Variants in GALNT13 observed in about 807,000 individuals in gnomAD.
GALNT13 encodes UDP-GalNAc:polypeptide N-acetylgalactosaminyltransferase 13.
Under a neutral mutation model 64.2 loss-of-function variants are expected in GALNT13, and 28 were observed. That is an observed-to-expected ratio of 0.44 (90% CI 0.32 to 0.60). The LOEUF (loss-of-function observed/expected upper bound fraction) is 0.60, where lower values mean the gene tolerates loss of function less well. GALNT13 is among the 20% of genes least tolerant of loss of function. The pLI, the probability that GALNT13 is intolerant of heterozygous loss-of-function variation, is 0.05. For missense variants in GALNT13, 577 were observed against 669.8 expected (o/e 0.86, Z 1.53); for synonymous variants, 214 against 224.6 (o/e 0.95, Z 0.42).
In GALNT13 at chr2:154,162,778, T is replaced by C. The variant is rs112016334; in HGVS notation, c.311+22273T>C. Among the ~76,000 whole-genome samples the C allele has an allele frequency of 5.3e-5, 8 of 152,310 alleles. 1 individual carries two copies. Among genetic ancestry groups the C allele is most frequent in the African/African-American group, 1.9e-4 (8 of 41,568 alleles). ...GAATTAATCATATTATTGTCAGTTT[T>C]ACCATTATAAAACAGTACTAACTAG... On this transcript the variant is annotated intron_variant, in intron 4 of 12. Coordinates refer to ENST00000392825, the MANE Select transcript of GALNT13 (RefSeq NM_052917.4).
intron 3 of GALNT13, among the ~76,000 whole-genome samples, chr2:154,113,123 A>G (rs796581984): frequency 6.6e-6 from 1 of 152,310 alleles, no homozygotes; most frequent in Non-Finnish European, 1.5e-5. Flanking sequence ...AAAGCCCAGT[A>G]ACAGGTCTAG....
chr2:154,375,762 T>G (rs1231617664), intron 9 of GALNT13, among the ~76,000 whole-genome samples: 1 of 152,140 alleles, frequency 6.6e-6, no homozygotes. Flanking sequence ...GAGGGACTGT[T>G]TTTTTGCACG....
At chr2:153,492,889 C>G in the GALNT13 span, among the ~76,000 whole-genome samples, 2 of 151,824 alleles carry the variant, frequency 1.3e-5, no homozygotes, top group African/African-American at 4.8e-5. Context: ...TACAATAAAA[C>G]ATCTAGGAAA....
the GALNT13 span, among the ~76,000 whole-genome samples, chr2:153,847,419 C>G: frequency 7.2e-5 from 10 of 139,724 alleles, no homozygotes; most frequent in South Asian, 4.6e-4. Context: ...CACACACACA[C>G]AGTACATAAT....
At chr2:154,445,370 C>A (rs1397895378) in intron 12 of GALNT13, among the ~76,000 whole-genome samples, 1 of 151,460 alleles carries the variant, frequency 6.6e-6, no homozygotes, top group Non-Finnish European at 1.5e-5. Flanking sequence ...TTCTATATTA[C>A]AAACATAATT....
At chr2:153,548,968 G>A in the GALNT13 span, among the ~76,000 whole-genome samples, 3 of 152,180 alleles carry the variant, frequency 2.0e-5, no homozygotes, top group South Asian at 2.1e-4. Context: ...TAATATGAAC[G>A]ACCTTTGAAA....
the GALNT13 span, among the ~76,000 whole-genome samples, chr2:153,775,897 C>CT: frequency 3.9e-5 from 6 of 151,960 alleles, no homozygotes; most frequent in South Asian, 1.0e-3. Context: ...TTTATTCTTT[C>CT]TTTTTTTAAT....
chr2:154,150,972 C>T (rs928778504), intron 4 of GALNT13, among the ~76,000 whole-genome samples: 1 of 152,118 alleles, frequency 6.6e-6, no homozygotes, highest in Non-Finnish European at 1.5e-5. Context: ...CTTCTGTTAG[C>T]TTTTGAATGT....
intron 11 of GALNT13, among the ~76,000 whole-genome samples, chr2:154,413,273 G>C (rs918565780): frequency 6.6e-6 from 1 of 151,786 alleles, no homozygotes; most frequent in African/African-American, 2.4e-5. Flanking sequence ...ACCTAACATA[G>C]AAACATACTT....
At chr2:153,466,914 T>C in the GALNT13 span, among the ~76,000 whole-genome samples, 2 of 151,974 alleles carry the variant, frequency 1.3e-5, no homozygotes, top group East Asian at 1.9e-4. Context: ...CTCATTCCCA[T>C]GTGTGTGATC....
chr2:153,141,253 C>T, the GALNT13 span, among the ~76,000 whole-genome samples: 1 of 151,850 alleles, frequency 6.6e-6, no homozygotes, highest in African/African-American at 2.4e-5. Flanking sequence ...GGATATATGG[C>T]CACTTGTGTT....
At chr2:153,905,929 G>T (rs1688530288) in intron 2 of GALNT13, among the ~76,000 whole-genome samples, 1 of 151,910 alleles carries the variant, frequency 6.6e-6, no homozygotes, top group Admixed American at 6.6e-5. Flanking sequence ...CTATTGGGTG[G>T]GTTGTGAATG....
At chr2:153,264,021 T>C in the GALNT13 span, among the ~76,000 whole-genome samples, 1 of 152,140 alleles carries the variant, frequency 6.6e-6, no homozygotes, top group Non-Finnish European at 1.5e-5. Flanking sequence ...ACCCACAGAA[T>C]GGGAGAAAAT....
At chr2:154,360,102 A>T (rs945607135) in intron 9 of GALNT13, among the ~76,000 whole-genome samples, 1 of 152,132 alleles carries the variant, frequency 6.6e-6, no homozygotes, top group Non-Finnish European at 1.5e-5. Flanking sequence ...AATAATAATC[A>T]TGTTCTTTCG....
At chr2:153,608,434 G>T in the GALNT13 span, among the ~76,000 whole-genome samples, 4 of 151,994 alleles carry the variant, frequency 2.6e-5, no homozygotes, top group African/African-American at 7.2e-5. Context: ...GAAATATTTT[G>T]TTGGTTTTAT....
chr2:153,309,422 A>G, the GALNT13 span, among the ~76,000 whole-genome samples: 1 of 152,152 alleles, frequency 6.6e-6, no homozygotes, highest in Non-Finnish European at 1.5e-5. Flanking sequence ...AAGAATTGGA[A>G]TAGAACATTG....
the GALNT13 span, among the ~76,000 whole-genome samples, chr2:153,713,937 C>T: frequency 4.6e-5 from 7 of 152,166 alleles, no homozygotes; most frequent in Admixed American, 3.3e-4. Context: ...TCCTGGAGAG[C>T]AACATCCCTG....
At chr2:153,399,715 GCTCT>G in the GALNT13 span, among the ~76,000 whole-genome samples, 340 of 152,060 alleles carry the variant, frequency 2.2e-3, 3 homozygotes, top group African/African-American at 7.5e-3. Context: ...TCATGATTTG[GCTCT>G]CTGTTTGTCT....
chr2:154,146,047 C>A (rs952405888), intron 4 of GALNT13, among the ~76,000 whole-genome samples: 2 of 151,596 alleles, frequency 1.3e-5, no homozygotes, highest in African/African-American at 4.8e-5. Flanking sequence ...GTAATGTGCT[C>A]ATGTGTAGAA....
Sources: gnomAD v4.1 joint callset for allele counts (sites outside exome capture counted in the v4.1 genomes callset) on GRCh38, gnomAD v4.1.1 for gene constraint, MANE v1.5 for transcripts, NCBI Gene and HGNC (gene_info 2026-07-23, HGNC 2026-07-21) for gene names.